KCNU1: variants seen among roughly 807,000 people sequenced by gnomAD.
KCNU1 encodes potassium channel subfamily U member 1.
KCNU1 carries 93 observed loss-of-function variants against 126.8 expected under a neutral mutation model. The observed-to-expected ratio is 0.73, with a 90% CI of 0.62 to 0.87. The LOEUF (loss-of-function observed/expected upper bound fraction) is 0.87. Ranked by LOEUF, KCNU1 falls within the 40% of genes least tolerant of loss-of-function variation. KCNU1 has a pLI of 0.00. For synonymous variants in KCNU1, 523 were observed against 494.2 expected (o/e 1.06, Z -0.77); for missense variants, 1,330 against 1,367.1 (o/e 0.97, Z 0.43).
chr8:36,814,620 A>G (rs1803842365), intron 8 of KCNU1, among the ~76,000 whole-genome samples: 1 of 152,178 alleles, frequency 6.6e-6, no homozygotes, highest in Non-Finnish European at 1.5e-5. Context: ...GACTTTCCTT[A>G]TTAAGCTCTA....
intron 18 of KCNU1, among the ~76,000 whole-genome samples, chr8:36,853,466 T>C (rs371604985): frequency 6.6e-6 from 1 of 152,220 alleles, no homozygotes; most frequent in East Asian, 1.9e-4. Context: ...TTTAAAATAC[T>C]TTATAATTTC....
intron 19 of KCNU1, among the ~76,000 whole-genome samples, chr8:36,883,674 C>T (rs1291620514): frequency 6.6e-6 from 1 of 152,024 alleles, no homozygotes; most frequent in African/African-American, 2.4e-5. Context: ...GCCTGTAGTC[C>T]CAGCTACTTG....
chr8:36,896,426 G>A (rs756800390), intron 19 of KCNU1, among the ~76,000 whole-genome samples: 9 of 151,998 alleles, frequency 5.9e-5, no homozygotes, highest in Non-Finnish European at 1.2e-4. Context: ...ATTAATAAAT[G>A]TTTTGAGTTT....
At chr8:36,915,685 AC>A (rs1235549543) in intron 22 of KCNU1, among the ~76,000 whole-genome samples, 1 of 151,888 alleles carries the variant, frequency 6.6e-6, no homozygotes, top group Non-Finnish European at 1.5e-5. Flanking sequence ...CTTTATCACA[AC>A]CCTTCTGCCA....
chr8:36,864,278 G>T, intron 18 of KCNU1, 126 bp from the exon 19 acceptor site: 1 of 671,548 alleles, frequency 1.5e-6, no homozygotes. Flanking sequence ...TTAGAACTAG[G>T]CTGTAGCTGA....
chr8:36,824,396 T>G (rs906151688), intron 10 of KCNU1, among the ~76,000 whole-genome samples: 10 of 152,246 alleles, frequency 6.6e-5, no homozygotes, highest in African/African-American at 2.4e-4. Flanking sequence ...TTATAATTAT[T>G]CTATTTCATT....
In KCNU1 at chr8:36,814,351, A is replaced by C. The variant is rs1347350985; in HGVS notation, c.877A>C (p.Ile293Leu). ...VAKTSLGRTF[I>L]MFFTLGSLIL... The stretch of plus-strand genomic sequence containing the variant: ...CAAGACATCCTTAGGACGGACCTTC[A>C]TCATGTTCTTCACACTGGGGAGTTT... Residue 293 changes from isoleucine to leucine, a missense_variant, in exon 8 of 27, where the codon ATC (isoleucine) becomes CTC (leucine). Coordinates refer to ENST00000399881, the MANE Select transcript of KCNU1 (RefSeq NM_001031836.3). The C allele has an allele frequency of 6.2e-7, 1 of 1,612,210 alleles. No homozygotes were observed. Among genetic ancestry groups the C allele is most frequent in the South Asian group, 1.1e-5 (1 of 90,808 alleles).
chr8:36,824,215 T>C (rs1463828709), intron 10 of KCNU1, among the ~76,000 whole-genome samples: 1 of 152,186 alleles, frequency 6.6e-6, no homozygotes, highest in Non-Finnish European at 1.5e-5. Context: ...TGAACATCCA[T>C]ATAACTACCA....
chr8:36,846,111 G>A (rs1373407097), intron 18 of KCNU1, among the ~76,000 whole-genome samples: 1 of 152,236 alleles, frequency 6.6e-6, no homozygotes, highest in Non-Finnish European at 1.5e-5. Flanking sequence ...TCCTTTAAAA[G>A]CAGGCAAATG....
chr8:36,870,203 C>T (rs1218566964), intron 19 of KCNU1, among the ~76,000 whole-genome samples: 2 of 152,144 alleles, frequency 1.3e-5, no homozygotes, highest in Admixed American at 6.6e-5. Context: ...ATAGGCTTTG[C>T]CAAGCTGGAA....
At chr8:36,845,723 G>A in intron 17 of KCNU1, 54 bp downstream of exon 17, 1 of 1,423,080 alleles carries the variant, frequency 7.0e-7, no homozygotes, top group Non-Finnish European at 9.9e-7. Flanking sequence ...AGCTTAATGG[G>A]AGGCCCACTG....
chr8:36,900,782 T>TATG (rs1807386273), intron 19 of KCNU1, among the ~76,000 whole-genome samples: 1 of 152,128 alleles, frequency 6.6e-6, no homozygotes, highest in African/African-American at 2.4e-5. Context: ...ACTTGACTAT[T>TATG]ATGCTCAAGA....
intron 2 of KCNU1, among the ~76,000 whole-genome samples, chr8:36,791,048 G>A (rs1051114630): frequency 3.3e-5 from 5 of 150,708 alleles, no homozygotes; most frequent in East Asian, 1.9e-4. Context: ...AAGTAGGAAC[G>A]TGAGAAGGGA....
At chr8:36,910,018 A>G (rs554418673) in intron 21 of KCNU1, among the ~76,000 whole-genome samples, 1 of 152,144 alleles carries the variant, frequency 6.6e-6, no homozygotes, top group African/African-American at 2.4e-5. Flanking sequence ...TATGGAGAGG[A>G]GGGATTTTAC....
At chr8:36,921,535 C>G (rs543165460) in intron 23 of KCNU1, among the ~76,000 whole-genome samples, 3 of 151,654 alleles carry the variant, frequency 2.0e-5, no homozygotes, top group Non-Finnish European at 4.4e-5. Flanking sequence ...AAAAATTAGC[C>G]GGACATGGTG....
chr8:36,803,517 A>G (rs760268742), intron 2 of KCNU1, among the ~76,000 whole-genome samples: 1 of 152,032 alleles, frequency 6.6e-6, no homozygotes, highest in Non-Finnish European at 1.5e-5. Flanking sequence ...CACTTGTAGC[A>G]TTTCCCCTAC....
At chr8:36,817,409 G>A (rs1803954906) in intron 9 of KCNU1, among the ~76,000 whole-genome samples, 1 of 141,908 alleles carries the variant, frequency 7.0e-6, no homozygotes, top group Admixed American at 7.9e-5. Flanking sequence ...TGAGGCAGGA[G>A]AATCATTTAA....
At chr8:36,853,768 T>C (rs554552301) in intron 18 of KCNU1, among the ~76,000 whole-genome samples, 2 of 152,170 alleles carry the variant, frequency 1.3e-5, no homozygotes, top group East Asian at 1.9e-4. Context: ...TTAAGTATAG[T>C]TGGTTTATAG....
At chr8:36,787,281 G>T in intron 1 of KCNU1, 25 bp from the exon 2 acceptor site, 3 of 1,588,054 alleles carry the variant, frequency 1.9e-6, no homozygotes, top group Non-Finnish European at 2.6e-6. Context: ...AGCTCACATT[G>T]TCAATTTCTT....
Sources: gnomAD v4.1 joint callset for allele counts (sites outside exome capture counted in the v4.1 genomes callset) on GRCh38, gnomAD v4.1.1 for gene constraint, MANE v1.5 for transcripts, NCBI Gene and HGNC (gene_info 2026-07-23, HGNC 2026-07-21) for gene names.